Variants in CPQ observed in about 807,000 individuals in gnomAD.
The protein encoded by CPQ is carboxypeptidase Q, also known as Ser-Met dipeptidase.
Under a neutral mutation model 45.7 loss-of-function variants are expected in CPQ, and 37 were observed. The ratio of observed to expected loss-of-function variants is 0.81; its 90% CI spans 0.62 to 1.07. The LOEUF (loss-of-function observed/expected upper bound fraction) is 1.07, where lower values mean the gene tolerates loss of function less well. Ranked by LOEUF, CPQ falls within the 50% of genes least tolerant of loss-of-function variation. The pLI is 0.00. For missense variants in CPQ, 537 were observed against 572.9 expected (o/e 0.94, Z 0.64); for synonymous variants, 186 against 205.8 (o/e 0.90, Z 0.82).
At chr8:96,811,528 A>G (rs1051514935) in intron 2 of CPQ, among the ~76,000 whole-genome samples, 8 of 152,212 alleles carry the variant, frequency 5.3e-5, no homozygotes, top group Non-Finnish European at 1.0e-4. Context: ...ATAAATGAAT[A>G]TGCAGAAGAA....
intron 5 of CPQ, among the ~76,000 whole-genome samples, chr8:96,979,170 G>A (rs745372718): frequency 2.6e-5 from 4 of 152,146 alleles, no homozygotes; most frequent in Non-Finnish European, 4.4e-5. Flanking sequence ...GTAAAGTGAA[G>A]GATGAGAGTT....
At chr8:97,030,370 CT>C (rs113611390) in intron 6 of CPQ, among the ~76,000 whole-genome samples, 3,008 of 143,706 alleles carry the variant, frequency 0.021, 97 homozygotes, top group African/African-American at 0.069. Context: ...TATTTTTGAC[CT>C]TTTTTTTTTT....
intron 3 of CPQ, among the ~76,000 whole-genome samples, chr8:96,869,327 G>A (rs995842301): frequency 6.6e-6 from 1 of 151,996 alleles, no homozygotes; most frequent in African/African-American, 2.4e-5. Context: ...GGCAATTGCT[G>A]CGATAACTGA....
chr8:97,016,559 A>AAATT (rs1251435829), intron 5 of CPQ, among the ~76,000 whole-genome samples: 1 of 152,230 alleles, frequency 6.6e-6, no homozygotes, highest in African/African-American at 2.4e-5. Flanking sequence ...GAGTATCAGA[A>AAATT]AATTAATGGT....
chr8:96,922,712 A>G (rs1264168989), intron 4 of CPQ, among the ~76,000 whole-genome samples: 1 of 152,220 alleles, frequency 6.6e-6, no homozygotes, highest in East Asian at 1.9e-4. Flanking sequence ...ACCCTTTTCC[A>G]ATAGAATGGA....
rs997792921 is a variant in CPQ at position 96,850,044 on chromosome 8, G to A, written c.641+14864G>A. ...CTACACCCAGCCTTCCAGGATTAAA[G>A]TAAGTTAATTAGGCATGCATTGATT... On this transcript the variant is annotated intron_variant, in intron 3 of 7. Transcript: ENST00000220763. 4.6e-5 allele frequency among the ~76,000 whole-genome samples: 7 copies of A among 152,146 alleles called. No homozygotes were observed. In the East Asian group the frequency reaches 1.3e-3, roughly 29 times the overall value.
At chr8:96,910,648 G>T (rs574687696) in intron 4 of CPQ, among the ~76,000 whole-genome samples, 2 of 152,192 alleles carry the variant, frequency 1.3e-5, no homozygotes, top group South Asian at 4.2e-4. Flanking sequence ...GGGACTACAG[G>T]GGCCTGCCAC....
intron 6 of CPQ, among the ~76,000 whole-genome samples, chr8:97,035,182 C>T (rs755194140): frequency 1.1e-4 from 17 of 152,126 alleles, no homozygotes; most frequent in Admixed American, 5.9e-4. Context: ...TGAGCCACCA[C>T]GCCCAGCCAT....
rs1811191626 is a variant in CPQ at position 97,095,268 on chromosome 8, A to G, written c.1255+29058A>G. Among the ~76,000 whole-genome samples, 3 of 152,138 alleles carry G rather than the reference A, an allele frequency of 2.0e-5. No individual in the cohort carries two copies. The South Asian group carries it at 6.2e-4, about 32-fold the overall frequency. ...TCAACATGTCTGAAGCCAAACTTCT[A>G]TCTCACCCTTACCACAACCCATCTC... On this transcript the variant is annotated intron_variant, in intron 7 of 7. Coordinates refer to ENST00000220763, the MANE Select transcript of CPQ (RefSeq NM_016134.4).
At chr8:96,789,667 G>T (rs1810821275) in intron 2 of CPQ, among the ~76,000 whole-genome samples, 1 of 152,184 alleles carries the variant, frequency 6.6e-6, no homozygotes, top group African/African-American at 2.4e-5. Flanking sequence ...TTCTGAGAGG[G>T]TGCGGCCTTG....
chr8:97,018,830 C>T (rs913146421), intron 5 of CPQ, among the ~76,000 whole-genome samples: 8 of 152,124 alleles, frequency 5.3e-5, no homozygotes, highest in African/African-American at 1.9e-4. Flanking sequence ...TTGAGGAAAA[C>T]TTCCCCAGCC....
intron 1 of CPQ, among the ~76,000 whole-genome samples, chr8:96,713,295 T>A (rs1172758304): frequency 6.6e-6 from 1 of 152,224 alleles, no homozygotes; most frequent in East Asian, 1.9e-4. Context: ...AACCTCTGCC[T>A]GTTACCTAGT....
At chr8:97,044,871 G>A (rs888245107) in intron 6 of CPQ, among the ~76,000 whole-genome samples, 2 of 152,186 alleles carry the variant, frequency 1.3e-5, no homozygotes, top group Non-Finnish European at 2.9e-5. Flanking sequence ...GTACCCGGCT[G>A]TGTGAGGTGT....
At chr8:96,848,858 A>G (rs936830368) in intron 3 of CPQ, among the ~76,000 whole-genome samples, 2 of 152,012 alleles carry the variant, frequency 1.3e-5, no homozygotes, top group Non-Finnish European at 1.5e-5. Context: ...TTATGTTTGT[A>G]TTTGTCAGCA....
chr8:97,134,516 C>A (rs16895249), intron 7 of CPQ, among the ~76,000 whole-genome samples: 10,559 of 152,242 alleles, frequency 0.069, 554 homozygotes, highest in African/African-American at 0.13. Context: ...CTTCTGCCCA[C>A]TGTATGAATG....
chr8:96,803,428 A>G (rs1811033829), intron 2 of CPQ, among the ~76,000 whole-genome samples: 1 of 152,236 alleles, frequency 6.6e-6, no homozygotes, highest in Non-Finnish European at 1.5e-5. Context: ...AAAATGTTAA[A>G]GATCTATTAA....
intron 6 of CPQ, among the ~76,000 whole-genome samples, chr8:97,048,154 A>G (rs1019619110): frequency 1.3e-5 from 2 of 152,216 alleles, no homozygotes; most frequent in Non-Finnish European, 2.9e-5. Context: ...TTTTAACACT[A>G]TCAGACAATG....
intron 4 of CPQ, among the ~76,000 whole-genome samples, chr8:96,905,760 C>CAAAAA (rs747470074): frequency 1.5e-4 from 10 of 64,844 alleles, no homozygotes; most frequent in Non-Finnish European, 1.9e-4. Context: ...CTGTCTTAAC[C>CAAAAA]AAAAAAAAAA....
At chr8:96,804,304 A>G (rs553303263) in intron 2 of CPQ, among the ~76,000 whole-genome samples, 57 of 152,112 alleles carry the variant, frequency 3.7e-4, no homozygotes, top group Non-Finnish European at 6.6e-4. Flanking sequence ...TAGGACAGAA[A>G]TTATTTTTAG....
Sources: gnomAD v4.1 joint callset for allele counts (sites outside exome capture counted in the v4.1 genomes callset) on GRCh38, gnomAD v4.1.1 for gene constraint, MANE v1.5 for transcripts, NCBI Gene and HGNC (gene_info 2026-07-23, HGNC 2026-07-21) for gene names.